Variants in RAPGEF5 observed in about 807,000 individuals in gnomAD.
RAPGEF5 encodes the protein Rap guanine nucleotide exchange factor 5.
In RAPGEF5, 65 loss-of-function variants were observed where a neutral mutation model predicts 125.2. The ratio of observed to expected loss-of-function variants is 0.52; its 90% CI spans 0.43 to 0.64. RAPGEF5 has a LOEUF of 0.64. Ranked by LOEUF, RAPGEF5 falls within the 30% of genes least tolerant of loss-of-function variation. RAPGEF5 has a pLI of 0.00. For missense variants in RAPGEF5, 958 were observed against 1,048.1 expected (o/e 0.91, Z 1.19); for synonymous variants, 391 against 385.9 (o/e 1.01, Z -0.16).
chr7:22,142,131 T>G (rs1562712900), intron 20 of RAPGEF5, among the ~76,000 whole-genome samples: 1 of 152,202 alleles, frequency 6.6e-6, no homozygotes, highest in African/African-American at 2.4e-5. Context: ...TCCATCCCCC[T>G]GCTGGAAGCT....
intron 1 of RAPGEF5, among the ~76,000 whole-genome samples, chr7:22,328,000 C>G (rs1783847340): frequency 6.6e-6 from 1 of 152,180 alleles, no homozygotes; most frequent in Non-Finnish European, 1.5e-5. Flanking sequence ...TATTGTTGAG[C>G]ACTCAAGAAA....
At chr7:22,229,903 T>C (rs1350068347) in intron 8 of RAPGEF5, among the ~76,000 whole-genome samples, 2 of 152,224 alleles carry the variant, frequency 1.3e-5, no homozygotes, top group Non-Finnish European at 2.9e-5. Context: ...GGTTTCATGA[T>C]TTCATCCCTC....
chr7:22,169,883 C>G (rs1346455996), intron 11 of RAPGEF5, among the ~76,000 whole-genome samples: 3 of 9,382 alleles, frequency 3.2e-4, no homozygotes, highest in Non-Finnish European at 5.2e-4. Flanking sequence ...AAAAAAAAAG[C>G]TGAATCTTCC....
intron 21 of RAPGEF5, among the ~76,000 whole-genome samples, chr7:22,137,366 T>C (rs554835768): frequency 2.0e-5 from 3 of 152,362 alleles, no homozygotes; most frequent in East Asian, 3.9e-4. Flanking sequence ...ATTTTTAGCA[T>C]AGATGATGAA....
Position 22,122,178 on chromosome 7 carries a change from G to A in RAPGEF5, c.*228C>T. ...CCTTCTCCATCTCAAGAATGCTTCTGACTCTCCTTCTGCCTTCTTGTCCCG... is the reference window on the plus strand; with the variant it reads ...CCTTCTCCATCTCAAGAATGCTTCTAACTCTCCTTCTGCCTTCTTGTCCCG... On this transcript the variant is annotated 3_prime_UTR_variant, in exon 26 of 26. Transcript: ENST00000665637. The A allele has an allele frequency of 4.1e-6, 2 of 484,848 alleles. No individual in the cohort carries two copies. Among genetic ancestry groups the A allele is most frequent in the South Asian group, 3.0e-5 (1 of 33,046 alleles). 30.0% of individuals were successfully genotyped at this position (484,848 alleles called of 1,614,324 possible). A position where few individuals can be genotyped will look rare whatever the true frequency, so the allele number is the denominator to read the frequency against.
intron 11 of RAPGEF5, among the ~76,000 whole-genome samples, chr7:22,179,429 T>C (rs1047773049): frequency 1.3e-5 from 2 of 152,186 alleles, no homozygotes; most frequent in African/African-American, 2.4e-5. Flanking sequence ...ATTCTAAATA[T>C]TCACTTGTTG....
rs145249557 is a variant in RAPGEF5 at position 22,291,328 on chromosome 7, T to G, written c.681-87A>C. The stretch of plus-strand genomic sequence containing the variant: ...GTTAGGAAGAATAAAGGGCAAATAA[T>G]GTCATTGTTATTATATTAGCAAAAG... On this transcript the variant is annotated intron_variant, in intron 5 of 25. Transcript: ENST00000665637. 9 of 1,455,522 alleles carry G rather than the reference T, an allele frequency of 6.2e-6. No homozygotes were observed. In the African/African-American group the frequency reaches 1.3e-4, roughly 21 times the overall value. 90.2% of individuals were successfully genotyped at this position (1,455,522 alleles called of 1,614,324 possible). A position where few individuals can be genotyped will look rare whatever the true frequency, so the allele number is the denominator to read the frequency against.
chr7:22,280,097 A>T (rs1196138200), intron 6 of RAPGEF5, among the ~76,000 whole-genome samples: 1 of 152,236 alleles, frequency 6.6e-6, no homozygotes, highest in East Asian at 1.9e-4. Context: ...ACAGTCCTAA[A>T]GTTTCAGAAG....
intron 1 of RAPGEF5, among the ~76,000 whole-genome samples, chr7:22,336,073 T>C (rs1562535056): frequency 6.6e-6 from 1 of 152,158 alleles, no homozygotes; most frequent in African/African-American, 2.4e-5. Flanking sequence ...AGACTTCTTA[T>C]TCCCAATGCC....
intron 7 of RAPGEF5, among the ~76,000 whole-genome samples, chr7:22,257,919 T>C (rs1048778348): frequency 1.3e-5 from 2 of 152,204 alleles, no homozygotes; most frequent in Non-Finnish European, 2.9e-5. Context: ...TCATTGATAT[T>C]ATTCAAACTT....
chr7:22,324,625 C>T (rs1783778759), intron 1 of RAPGEF5, among the ~76,000 whole-genome samples: 1 of 152,090 alleles, frequency 6.6e-6, no homozygotes, highest in Admixed American at 6.5e-5. Context: ...GAATAATGAC[C>T]TTCTTCCTCC....
intron 20 of RAPGEF5, among the ~76,000 whole-genome samples, chr7:22,143,536 T>G (rs143044307): frequency 6.6e-6 from 1 of 152,250 alleles, no homozygotes; most frequent in Non-Finnish European, 1.5e-5. Context: ...TCCCACAACT[T>G]CCTTACAAAT....
At position 22,146,883 on chromosome 7, in the gene RAPGEF5, C is replaced by T; in HGVS notation, c.2007+14G>A. The T allele has an allele frequency of 6.2e-7, 1 of 1,606,864 alleles. No homozygotes were observed. Among genetic ancestry groups the T allele is most frequent in the African/African-American group, 1.3e-5 (1 of 74,704 alleles). Reference sequence around the variant, plus strand: ...AAACAGCATTTGTATTTTATCTTGTCACTCCTCATTTACCTCGTGAATTGA... The same window carrying T: ...AAACAGCATTTGTATTTTATCTTGTTACTCCTCATTTACCTCGTGAATTGA... On this transcript the variant is annotated intron_variant, in intron 19 of 25. Coordinates refer to ENST00000665637, the MANE Select transcript of RAPGEF5 (RefSeq NM_012294.5).
At chr7:22,212,065 C>T (rs1785521421) in intron 9 of RAPGEF5, among the ~76,000 whole-genome samples, 1 of 149,662 alleles carries the variant, frequency 6.7e-6, no homozygotes, top group Admixed American at 6.7e-5. Context: ...CTCCCGGATT[C>T]ACGCCATTCT....
At chr7:22,258,408 G>A (rs1265486453) in intron 7 of RAPGEF5, among the ~76,000 whole-genome samples, 1 of 152,040 alleles carries the variant, frequency 6.6e-6, no homozygotes, top group Non-Finnish European at 1.5e-5. Flanking sequence ...ATCACCTGAG[G>A]TTGGGAGTTC....
At chr7:22,204,970 A>T (rs1785366081) in intron 9 of RAPGEF5, among the ~76,000 whole-genome samples, 1 of 151,910 alleles carries the variant, frequency 6.6e-6, no homozygotes. Context: ...TTTCCAAGGG[A>T]GGGAATAGGT....
chr7:22,288,179 T>G (rs181616682), intron 6 of RAPGEF5, among the ~76,000 whole-genome samples: 3 of 152,236 alleles, frequency 2.0e-5, no homozygotes, highest in Admixed American at 6.5e-5. Context: ...ATTCAGTTAT[T>G]TCCATTTCCT....
chr7:22,194,465 A>C (rs1785097845), intron 9 of RAPGEF5: 1 of 570,300 alleles, frequency 1.8e-6, no homozygotes, highest in South Asian at 7.7e-5. Flanking sequence ...TTATTGAAAC[A>C]TTAAGACAAT....
At chr7:22,169,881 A>AAAAAAAAAAAG (rs1784295492) in intron 11 of RAPGEF5, among the ~76,000 whole-genome samples, 4 of 147,670 alleles carry the variant, frequency 2.7e-5, no homozygotes, top group East Asian at 2.0e-4. Flanking sequence ...AAAAAAAAAA[A>AAAAAAAAAAAG]GCTGAATCTT....
Sources: allele counts gnomAD v4.1 joint callset (sites outside exome capture counted in the v4.1 genomes callset), GRCh38; gene constraint gnomAD v4.1.1; transcripts MANE v1.5; gene names NCBI Gene and HGNC (gene_info 2026-07-23, HGNC 2026-07-21).